EPHB1: variants seen among roughly 807,000 people sequenced by gnomAD.
EPHB1 encodes the protein ephrin type-B receptor 1.
EPHB1 carries 30 observed loss-of-function variants against 94.4 expected under a neutral mutation model. The observed-to-expected ratio is 0.32, with a 90% confidence interval of 0.24 to 0.43. The LOEUF (loss-of-function observed/expected upper bound fraction) is 0.43. Among genes scored for constraint, EPHB1 ranks in the 20% least tolerant of loss-of-function variants. EPHB1 has a pLI of 1.00. For synonymous variants in EPHB1, 522 were observed against 489.1 expected (o/e 1.07, Z -0.89); for missense variants, 1,055 against 1,308.3 (o/e 0.81, Z 2.99).
intron 1 of EPHB1, among the ~76,000 whole-genome samples, chr3:134,898,553 G>A (rs571659682): frequency 5.9e-5 from 9 of 152,208 alleles, no homozygotes; most frequent in Admixed American, 3.9e-4. Flanking sequence ...GACAAGTGAC[G>A]GTAGAGTCTG....
rs74748515 is a variant in EPHB1 at position 135,187,182 on chromosome 3, A to T, written c.1883-5394A>T. The stretch of plus-strand genomic sequence containing the variant: ...AGAGGACCCAATGTCAGACACAAAG[A>T]TGTGTGCCAATCAAAGTCCAGTGGG... On this transcript the variant is annotated intron_variant, in intron 10 of 15. Coordinates refer to ENST00000398015, the MANE Select transcript of EPHB1 (RefSeq NM_004441.5). Among the ~76,000 whole-genome samples, 477 of 152,318 alleles carry T rather than the reference A, an allele frequency of 3.1e-3. 4 individuals are homozygous for T. Among genetic ancestry groups the T allele is most frequent in the African/African-American group, 0.011 (461 of 41,564 alleles).
intron 3 of EPHB1, among the ~76,000 whole-genome samples, chr3:134,988,166 C>A (rs1368799445): frequency 6.6e-6 from 1 of 152,200 alleles, no homozygotes; most frequent in Non-Finnish European, 1.5e-5. Flanking sequence ...CCTTGATCTC[C>A]TGTCTGAGCC....
intron 4 of EPHB1, among the ~76,000 whole-genome samples, chr3:135,114,454 C>G (rs56317686): frequency 0.018 from 2,520 of 142,258 alleles, 42 homozygotes; most frequent in Non-Finnish European, 0.023. Context: ...GTAATCCCAG[C>G]ACTTTGGGAG....
chr3:135,093,720 T>G (rs1938645004), intron 3 of EPHB1, among the ~76,000 whole-genome samples: 1 of 47,484 alleles, frequency 2.1e-5, no homozygotes, highest in Non-Finnish European at 5.6e-5. Context: ...AGACCCTGAC[T>G]CAAAAAAAAA....
At chr3:135,114,666 T>C (rs1380322964) in intron 4 of EPHB1, among the ~76,000 whole-genome samples, 1 of 149,522 alleles carries the variant, frequency 6.7e-6, no homozygotes, top group Non-Finnish European at 1.5e-5. Context: ...GAGGTTGCAG[T>C]GAGCCAAGAT....
chr3:135,007,152 A>G (rs1471629316), intron 3 of EPHB1, among the ~76,000 whole-genome samples: 2 of 152,126 alleles, frequency 1.3e-5, no homozygotes, highest in Non-Finnish European at 2.9e-5. Flanking sequence ...CAACTTTATC[A>G]TGTGATTCAT....
intron 1 of EPHB1, among the ~76,000 whole-genome samples, chr3:134,874,626 T>A (rs1459136364): frequency 6.6e-6 from 1 of 152,146 alleles, no homozygotes; most frequent in African/African-American, 2.4e-5. Flanking sequence ...GGATGGTGGG[T>A]CCTTTGGCTC....
chr3:135,133,077 T>A (rs1272523655), intron 5 of EPHB1, 28 bp downstream of exon 5: 4 of 1,544,802 alleles, frequency 2.6e-6, no homozygotes, highest in Non-Finnish European at 3.5e-6. Flanking sequence ...TGTGCTCCTG[T>A]TTGGATGTGT....
intron 3 of EPHB1, among the ~76,000 whole-genome samples, chr3:135,046,250 C>G (rs1171697105): frequency 1.3e-5 from 2 of 152,206 alleles, no homozygotes; most frequent in Non-Finnish European, 1.5e-5. Context: ...TTGAGAACTG[C>G]TGCTCTAGCA....
intron 3 of EPHB1, among the ~76,000 whole-genome samples, chr3:134,976,045 GGGA>G (rs1934177875): frequency 6.6e-6 from 1 of 152,212 alleles, no homozygotes; most frequent in African/African-American, 2.4e-5. Flanking sequence ...GGCACCTGGA[GGGA>G]GTCTGCCTTG....
intron 3 of EPHB1, among the ~76,000 whole-genome samples, chr3:135,103,289 G>A (rs1192712745): frequency 6.6e-6 from 1 of 152,104 alleles, no homozygotes; most frequent in African/African-American, 2.4e-5. Context: ...GTAATTATAT[G>A]TAAAATATAT....
chr3:135,096,275 G>T (rs1196691189), intron 3 of EPHB1, among the ~76,000 whole-genome samples: 1 of 152,202 alleles, frequency 6.6e-6, no homozygotes, highest in Non-Finnish European at 1.5e-5. Context: ...GGGGCTGAGG[G>T]TCAAAGTTTA....
chr3:135,091,502 G>A (rs1032125148), intron 3 of EPHB1, among the ~76,000 whole-genome samples: 2 of 152,166 alleles, frequency 1.3e-5, no homozygotes, highest in East Asian at 1.9e-4. Context: ...TGTCTGCCAC[G>A]GCAGGCATGG....
At chr3:135,151,720 G>A (rs897172681) in intron 5 of EPHB1, among the ~76,000 whole-genome samples, 5 of 152,124 alleles carry the variant, frequency 3.3e-5, no homozygotes, top group Admixed American at 1.3e-4. Flanking sequence ...ATACTACTAA[G>A]TTGCAGGCAA....
At position 134,865,049 on chromosome 3, in the gene EPHB1, A is replaced by G. The variant is rs1438855331; in HGVS notation, c.59-60767A>G. Among the ~76,000 whole-genome samples the G allele has an allele frequency of 2.0e-5, 3 of 152,126 alleles. No individual in the cohort carries two copies. In the East Asian group the frequency reaches 5.8e-4, roughly 29 times the overall value. On this transcript the variant is annotated intron_variant, in intron 1 of 15. Transcript: ENST00000398015. ...GGCTGGTTTTCAAAAACTTTTGACTATGACCTATAGTAAAACATACGTGTG... is the reference window on the plus strand; with the variant it reads ...GGCTGGTTTTCAAAAACTTTTGACTGTGACCTATAGTAAAACATACGTGTG...
At chr3:134,922,016 G>A (rs1194185243) in intron 1 of EPHB1, among the ~76,000 whole-genome samples, 1 of 152,150 alleles carries the variant, frequency 6.6e-6, no homozygotes, top group Non-Finnish European at 1.5e-5. Context: ...TGCCCTTCCC[G>A]GCGATCTCCC....
chr3:134,860,949 C>T (rs1322419831), intron 1 of EPHB1, among the ~76,000 whole-genome samples: 3 of 152,126 alleles, frequency 2.0e-5, no homozygotes, highest in African/African-American at 2.4e-5. Flanking sequence ...TTCATTTGCA[C>T]GTGTTTGCTG....
chr3:135,015,519 G>T (rs904037262), intron 3 of EPHB1, among the ~76,000 whole-genome samples: 6 of 152,186 alleles, frequency 3.9e-5, no homozygotes, highest in African/African-American at 1.4e-4. Flanking sequence ...TGGGATTATA[G>T]GTGTGAGCCA....
intron 11 of EPHB1, among the ~76,000 whole-genome samples, chr3:135,194,716 T>C (rs1316631462): frequency 6.6e-6 from 1 of 152,158 alleles, no homozygotes; most frequent in East Asian, 1.9e-4. Flanking sequence ...CTTTTGTTTT[T>C]CTGAGGGTGC....
Sources: allele counts gnomAD v4.1 joint callset (sites outside exome capture counted in the v4.1 genomes callset), GRCh38; gene constraint gnomAD v4.1.1; transcripts MANE v1.5; gene names NCBI Gene and HGNC (gene_info 2026-07-23, HGNC 2026-07-21).